IMMP1L: variants seen among roughly 807,000 people sequenced by gnomAD.
IMMP1L encodes inner mitochondrial membrane peptidase subunit 1, also known as mitochondrial inner membrane protease subunit 1.
Under a neutral mutation model 21.8 loss-of-function variants are expected in IMMP1L, and 24 were observed. That is an observed-to-expected ratio of 1.10 (90% CI 0.80 to 1.55). IMMP1L has a LOEUF of 1.55. Among genes scored for constraint, IMMP1L ranks in the 40% most tolerant of loss-of-function variants. The pLI, the probability that IMMP1L is intolerant of heterozygous loss-of-function variation, is 0.00. For missense variants in IMMP1L, 195 were observed against 200.7 expected (o/e 0.97, Z 0.17); for synonymous variants, 46 against 62.8 (o/e 0.73, Z 1.26).
intron 4 of IMMP1L, 24 bp downstream of exon 4, chr11:31,456,236 T>C: frequency 6.6e-7 from 1 of 1,522,204 alleles, no homozygotes; most frequent in Non-Finnish European, 9.0e-7. Flanking sequence ...ACACCAAAAA[T>C]AACATAATTG....
At chr11:31,461,472 T>C (rs1251312764) in intron 2 of IMMP1L, among the ~76,000 whole-genome samples, 1 of 152,198 alleles carries the variant, frequency 6.6e-6, no homozygotes, top group Non-Finnish European at 1.5e-5. Context: ...TCTTGATATA[T>C]ACAGGTTGAG....
At chr11:31,468,772 T>G (rs1338280276) in intron 1 of IMMP1L, among the ~76,000 whole-genome samples, 1 of 152,018 alleles carries the variant, frequency 6.6e-6, no homozygotes, top group African/African-American at 2.4e-5. Flanking sequence ...TATAGTAAAG[T>G]GATAGAGAAT....
At chr11:31,493,721 T>C (rs983361792) in intron 1 of IMMP1L, among the ~76,000 whole-genome samples, 3 of 152,174 alleles carry the variant, frequency 2.0e-5, no homozygotes, top group African/African-American at 7.2e-5. Context: ...ACTTCCTAGA[T>C]ACAACAAGGG....
intron 1 of IMMP1L, among the ~76,000 whole-genome samples, chr11:31,484,450 C>A (rs1257200764): frequency 6.6e-6 from 1 of 151,854 alleles, no homozygotes; most frequent in African/African-American, 2.4e-5. Context: ...AAAAAAAAAT[C>A]CACTTTTTTT....
intron 1 of IMMP1L, among the ~76,000 whole-genome samples, chr11:31,466,382 C>A (rs1459188673): frequency 3.9e-5 from 6 of 152,034 alleles, no homozygotes; most frequent in Non-Finnish European, 8.8e-5. Flanking sequence ...AAAAATAATT[C>A]TCTCAATTCT....
At chr11:31,459,977 C>T (rs772660412) in intron 3 of IMMP1L, among the ~76,000 whole-genome samples, 3 of 151,818 alleles carry the variant, frequency 2.0e-5, no homozygotes, top group South Asian at 2.1e-4. Flanking sequence ...GGCAACATGG[C>T]GAAACCCAGT....
intron 1 of IMMP1L, among the ~76,000 whole-genome samples, chr11:31,495,690 A>C (rs1254728401): frequency 6.6e-6 from 1 of 152,248 alleles, no homozygotes; most frequent in Non-Finnish European, 1.5e-5. Context: ...CCAATGGAAT[A>C]GAATAAAGAG....
intron 1 of IMMP1L, among the ~76,000 whole-genome samples, chr11:31,503,778 C>G (rs976205551): frequency 1.3e-5 from 2 of 152,124 alleles, no homozygotes; most frequent in African/African-American, 4.8e-5. Context: ...GAAGGAATTG[C>G]CACAGGGTGA....
chr11:31,456,386 T>C lies in IMMP1L; in HGVS notation c.195A>G (p.Arg65=). 1 of 1,609,272 alleles carries C rather than the reference T, an allele frequency of 6.2e-7. No individual in the cohort carries two copies. Among genetic ancestry groups the C allele is most frequent in the Non-Finnish European group, 8.5e-7 (1 of 1,176,816 alleles). The change falls in exon 4 of 6, where the codon AGA becomes AGG. Residue 65 remains arginine, a splice_region_variant and synonymous_variant. Coordinates refer to ENST00000532287, the MANE Select transcript of IMMP1L (RefSeq NM_001304274.2). ...NLSRHFYGIQ[R]GDIVIAKSPS... is the part of the protein sequence containing the mutation. The stretch of plus-strand genomic sequence containing the variant: ...GGCTTTTTGCAATCACAATGTCACC[T>C]CTGAGGGGGAAAAGTCAAAGAAATG...
intron 1 of IMMP1L, chr11:31,477,042 C>T (rs897686540): frequency 2.6e-5 from 4 of 152,064 alleles, no homozygotes; most frequent in Admixed American, 2.6e-4. Context: ...TCATATATTT[C>T]ACCAAAAGCC....
chr11:31,435,695 A>T (rs1404834669), intron 4 of IMMP1L, among the ~76,000 whole-genome samples: 1 of 152,062 alleles, frequency 6.6e-6, no homozygotes, highest in Non-Finnish European at 1.5e-5. Context: ...TGGCTACTGG[A>T]TTGATCTCCT....
At chr11:31,490,561 T>C (rs929587279) in intron 1 of IMMP1L, among the ~76,000 whole-genome samples, 1 of 152,092 alleles carries the variant, frequency 6.6e-6, no homozygotes, top group African/African-American at 2.4e-5. Flanking sequence ...TGTTCAGCAC[T>C]CTCTAATATA....
chr11:31,475,009 G>A (rs771411999), intron 1 of IMMP1L, among the ~76,000 whole-genome samples: 1 of 151,956 alleles, frequency 6.6e-6, no homozygotes, highest in African/African-American at 2.4e-5. Context: ...TAAGACCACC[G>A]ACGCATACTC....
At chr11:31,480,181 A>G (rs886236458) in intron 1 of IMMP1L, among the ~76,000 whole-genome samples, 5 of 152,062 alleles carry the variant, frequency 3.3e-5, no homozygotes, top group Non-Finnish European at 7.4e-5. Context: ...ACTTTTTTCT[A>G]TGGTGTTATT....
chr11:31,478,910 G>T (rs537289557), intron 1 of IMMP1L, among the ~76,000 whole-genome samples: 1 of 152,118 alleles, frequency 6.6e-6, no homozygotes, highest in African/African-American at 2.4e-5. Flanking sequence ...ATAGTTATCA[G>T]TGAAGAAATC....
At chr11:31,443,007 TA>T (rs538317127) in intron 4 of IMMP1L, among the ~76,000 whole-genome samples, 156 of 152,160 alleles carry the variant, frequency 1.0e-3, no homozygotes, top group Non-Finnish European at 1.5e-3. Context: ...GATGAATGTA[TA>T]TTAAAAAGAT....
intron 4 of IMMP1L, chr11:31,448,981 T>C (rs1435640109): frequency 2.0e-6 from 2 of 985,266 alleles, no homozygotes; most frequent in African/African-American, 1.7e-5. Context: ...AGAGTAAACA[T>C]ATTTCCTCCA....
rs373056359 is a variant in IMMP1L at position 31,456,250 on chromosome 11, T to C, written c.321+10A>G. ...GACACCAAAAATAACATAATTGAAA[T>C]GTTACTTACATAACTATGGCTTTTA... On this transcript the variant is annotated intron_variant, in intron 4 of 5. Transcript: ENST00000532287. 2.6e-6 allele frequency: 4 copies of C among 1,567,830 alleles called. No homozygotes were observed. The highest frequency in any genetic ancestry group is 1.4e-5 in the African/African-American group (1 of 73,720).
chr11:31,446,198 C>T (rs1276223198), intron 4 of IMMP1L, among the ~76,000 whole-genome samples: 2 of 152,150 alleles, frequency 1.3e-5, no homozygotes, highest in Non-Finnish European at 2.9e-5. Flanking sequence ...TCCCTTTCTT[C>T]CAGCATCCAA....
Sources: allele counts gnomAD v4.1 joint callset (sites outside exome capture counted in the v4.1 genomes callset), GRCh38; gene constraint gnomAD v4.1.1; transcripts MANE v1.5; gene names NCBI Gene and HGNC (gene_info 2026-07-23, HGNC 2026-07-21).